LZTS1: variants seen among roughly 807,000 people sequenced by gnomAD.
LZTS1 encodes the protein leucine zipper putative tumor suppressor 1.
A neutral mutation model predicts 45.8 loss-of-function variants in LZTS1; 31 were observed. The ratio of observed to expected loss-of-function variants is 0.68; its 90% CI spans 0.51 to 0.91. LZTS1 has a LOEUF of 0.91. Ranked by LOEUF, LZTS1 falls within the 40% of genes least tolerant of loss-of-function variation. The pLI is 0.00. For synonymous variants in LZTS1, 359 were observed against 357.3 expected (o/e 1.00, Z -0.05); for missense variants, 821 against 788.9 (o/e 1.04, Z -0.49).
At chr8:20,296,826 G>GGGCA in intron 1 of LZTS1, among the ~76,000 whole-genome samples, 1 of 152,266 alleles carries the variant, frequency 6.6e-6, no homozygotes, top group South Asian at 2.1e-4. Context: ...GATCTCCATG[G>GGGCA]GGCAGCTCTT....
chr8:20,269,427 TG>T (rs1382644091), intron 1 of LZTS1, among the ~76,000 whole-genome samples: 1 of 152,214 alleles, frequency 6.6e-6, no homozygotes, highest in Non-Finnish European at 1.5e-5. Flanking sequence ...GATGGCCCCC[TG>T]CCTGCCAGAT....
rs759881807 is a variant in LZTS1, at chr8:20,253,082, G to T, written c.849C>A (p.Ser283Arg). The T allele has an allele frequency of 3.7e-6, 6 of 1,609,800 alleles. No individual in the cohort carries two copies. Residue 283 changes from serine to arginine, a missense_variant, in exon 3 of 4, where the codon AGC becomes AGA. Ser to Arg is a moderately radical substitution (Grantham distance 110, BLOSUM62 -1). Transcript: ENST00000381569. ...REGALQKLQR[S>R]FEEKELASSL... is the part of the protein sequence containing the mutation. Reference sequence around the variant, plus strand: ...TGGAGGCAAGCTCCTTCTCCTCAAAGCTGCGCTGCAGCTTCTGGAGGGCGC... The same window carrying T: ...TGGAGGCAAGCTCCTTCTCCTCAAATCTGCGCTGCAGCTTCTGGAGGGCGC...
chr8:20,292,347 T>C (rs1438291973), intron 1 of LZTS1, among the ~76,000 whole-genome samples: 1 of 152,226 alleles, frequency 6.6e-6, no homozygotes, highest in Non-Finnish European at 1.5e-5. Context: ...TGTCGCTCTA[T>C]GGGTAGCTAG....
chr8:20,293,307 G>A (rs1473508838), intron 1 of LZTS1, among the ~76,000 whole-genome samples: 1 of 152,142 alleles, frequency 6.6e-6, no homozygotes, highest in Non-Finnish European at 1.5e-5. Flanking sequence ...CAAGGTGGGT[G>A]TGCAAGCGCC....
intron 1 of LZTS1, among the ~76,000 whole-genome samples, chr8:20,293,919 C>T (rs777510810): frequency 6.6e-6 from 1 of 151,456 alleles, no homozygotes; most frequent in African/African-American, 2.4e-5. Context: ...CATGACTCTG[C>T]CTCAAAAAAA....
At chr8:20,289,231 A>T (rs1471107806) in intron 1 of LZTS1, 2 of 152,110 alleles carry the variant, frequency 1.3e-5, no homozygotes, top group Non-Finnish European at 2.9e-5. Flanking sequence ...AAGTGCTTGG[A>T]AGTCACCGAT....
In LZTS1 at chr8:20,303,962, G is replaced by A. The variant is rs1349804424; in HGVS notation, c.-357C>T. 8.8e-5 allele frequency: 84 copies of A among 951,356 alleles called. No homozygotes were observed. Among genetic ancestry groups the A allele is most frequent in the Non-Finnish European group, 1.0e-4 (83 of 800,596 alleles). The allele number at this position is 951,356 out of a possible 1,614,324, so 58.9% of individuals were successfully genotyped here. A position where few individuals can be genotyped will look rare whatever the true frequency, so the allele number is the denominator to read the frequency against. ...GCCAGCTCCAGGCGCGCCGGCCTCT[G>A]CGCGGGTCCCGGAGCCGGGGCGGGG... On this transcript the variant is annotated 5_prime_UTR_variant, in exon 1 of 4. Coordinates refer to ENST00000381569, the MANE Select transcript of LZTS1 (RefSeq NM_021020.5).
At chr8:20,281,683 C>T (rs983942135) in intron 1 of LZTS1, among the ~76,000 whole-genome samples, 4 of 152,164 alleles carry the variant, frequency 2.6e-5, no homozygotes, top group Non-Finnish European at 4.4e-5. Flanking sequence ...CTCTCTCTCT[C>T]TTGTTCCCTC....
At chr8:20,279,106 C>G (rs1800637928) in intron 1 of LZTS1, among the ~76,000 whole-genome samples, 1 of 152,222 alleles carries the variant, frequency 6.6e-6, no homozygotes. Flanking sequence ...CCTGTGAAAA[C>G]CCATCCTTCA....
In LZTS1 at chr8:20,251,128, TATA is replaced by T. The variant is rs1563850854; in HGVS notation, c.1150-768_1150-766del. On this transcript the variant is annotated intron_variant, in intron 3 of 3. Coordinates refer to ENST00000381569, the MANE Select transcript of LZTS1 (RefSeq NM_021020.5). ...ATATATATATATATATATATATATA[TATA>T]TATATATATATATATATAAAATATA... Among the ~76,000 whole-genome samples, 83 of 28,112 alleles carry T rather than the reference TATA, an allele frequency of 3.0e-3. 1 individual carries two copies. The Middle Eastern group carries it at 0.042, about 14-fold the overall frequency. 18.4% of individuals were successfully genotyped at this position (28,112 alleles called of 152,430 possible).
At chr8:20,300,612 G>A (rs1199579846) in intron 1 of LZTS1, among the ~76,000 whole-genome samples, 2 of 152,052 alleles carry the variant, frequency 1.3e-5, no homozygotes, top group South Asian at 2.1e-4. Flanking sequence ...GATTACAAGC[G>A]TGAGCCACAG....
intron 1 of LZTS1, among the ~76,000 whole-genome samples, chr8:20,285,084 T>C (rs1440674337): frequency 6.6e-6 from 1 of 152,254 alleles, no homozygotes; most frequent in Non-Finnish European, 1.5e-5. Flanking sequence ...GGATCAATGA[T>C]ACAATGGACG....
At position 20,253,328 on chromosome 8, in the gene LZTS1, T is replaced by C. The variant is rs769136261; in HGVS notation, c.603A>G (p.Gly201=). 3 of 1,613,622 alleles carry C rather than the reference T, an allele frequency of 1.9e-6. No homozygotes were observed. In the African/African-American group the frequency reaches 4.0e-5, roughly 22 times the overall value. ...CGGAGCCCCCAAAACGGCTTGTGGGTCCCACGGGTGTGACCAGCGGGTCCA... is the reference window on the plus strand; with the variant it reads ...CGGAGCCCCCAAAACGGCTTGTGGGCCCCACGGGTGTGACCAGCGGGTCCA... ...YQLDPLVTPV[G]PTSRFGGSAH... Residue 201 remains glycine, a synonymous_variant, in exon 3 of 4, where the codon GGA becomes GGG. Transcript: ENST00000381569.
chr8:20,273,584 G>T (rs898464128), intron 1 of LZTS1, among the ~76,000 whole-genome samples: 12 of 152,010 alleles, frequency 7.9e-5, no homozygotes, highest in African/African-American at 2.9e-4. Flanking sequence ...GCCAGAAACC[G>T]GTCCCAAGAA....
chr8:20,297,357 C>G (rs1330371013), intron 1 of LZTS1, among the ~76,000 whole-genome samples: 2 of 152,194 alleles, frequency 1.3e-5, no homozygotes, highest in African/African-American at 2.4e-5. Flanking sequence ...TTCTCTAAAG[C>G]AAATGCCAAG....
chr8:20,249,626 C>G lies in LZTS1; in HGVS notation c.*96G>C. On this transcript the variant is annotated 3_prime_UTR_variant, in exon 4 of 4. Coordinates refer to ENST00000381569, the MANE Select transcript of LZTS1 (RefSeq NM_021020.5). ...GGGTCTGTGTCCCAGGGAGTGGCGT[C>G]TCTCAGAGGGGTCTGAATTGCTGAG... 6.9e-7 allele frequency: 1 copy of G among 1,450,566 alleles called. No individual in the cohort carries two copies. The highest frequency in any genetic ancestry group is 9.2e-7 in the Non-Finnish European group (1 of 1,085,726). 89.9% of individuals were successfully genotyped at this position (1,450,566 alleles called of 1,614,324 possible). A position where few individuals can be genotyped will look rare whatever the true frequency, so the allele number is the denominator to read the frequency against.
intron 1 of LZTS1, among the ~76,000 whole-genome samples, chr8:20,282,271 G>A (rs557646626): frequency 1.3e-5 from 2 of 152,328 alleles, no homozygotes; most frequent in African/African-American, 4.8e-5. Flanking sequence ...TCATGCCTCT[G>A]TAGCCCTCCA....
At chr8:20,277,198 A>C (rs1800601734) in intron 1 of LZTS1, among the ~76,000 whole-genome samples, 1 of 152,206 alleles carries the variant, frequency 6.6e-6, no homozygotes, top group Non-Finnish European at 1.5e-5. Context: ...ATTATATGCT[A>C]ATTATAGTGC....
At chr8:20,286,280 C>T (rs150852357) in intron 1 of LZTS1, among the ~76,000 whole-genome samples, 5 of 152,258 alleles carry the variant, frequency 3.3e-5, no homozygotes, top group East Asian at 1.9e-4. Context: ...AAACAATTCT[C>T]GTAAATCTCT....
Sources: allele counts gnomAD v4.1 joint callset (sites outside exome capture counted in the v4.1 genomes callset), GRCh38; gene constraint gnomAD v4.1.1; transcripts MANE v1.5; gene names NCBI Gene and HGNC (gene_info 2026-07-23, HGNC 2026-07-21).